The following PEX2 variants were observed in gnomAD, a reference collection of about 807,000 sequenced individuals.
PEX2 encodes the protein peroxisomal biogenesis factor 2.
A neutral mutation model predicts 25.2 loss-of-function variants in PEX2; 19 were observed. The ratio of observed to expected loss-of-function variants is 0.75; its 90% CI spans 0.53 to 1.10. PEX2 has a LOEUF of 1.10. Ranked by LOEUF, PEX2 falls within the 50% of genes least tolerant of loss-of-function variation. The pLI, the probability that PEX2 is intolerant of heterozygous loss-of-function variation, is 0.00. For missense variants in PEX2, 347 were observed against 350.6 expected, an observed-to-expected ratio of 0.99 and a Z score of 0.08; for synonymous variants, 141 against 127.7, an observed-to-expected ratio of 1.10 and a Z score of -0.70.
Position 76,995,287 on chromosome 8 carries a change from T to C in PEX2, c.-160+4703A>G, listed in dbSNP as rs184555014. 1.5e-3 allele frequency among the ~76,000 whole-genome samples: 224 copies of C among 152,366 alleles called. 2 individuals carry two copies. The highest frequency in any genetic ancestry group is 2.4e-3 in the Non-Finnish European group (163 of 68,036). On this transcript the variant is annotated intron_variant, in intron 1 of 3. Coordinates refer to ENST00000357039, the MANE Select transcript of PEX2 (RefSeq NM_000318.3). ...CAAGATATGTGAAATTTTAAAACTGTGTTATGTCCAACAGACCTCTAAATT... is the reference window on the plus strand; with the variant it reads ...CAAGATATGTGAAATTTTAAAACTGCGTTATGTCCAACAGACCTCTAAATT...
intron 1 of PEX2, among the ~76,000 whole-genome samples, chr8:76,992,042 T>G (rs979271966): frequency 6.6e-6 from 1 of 152,136 alleles, no homozygotes; most frequent in African/African-American, 2.4e-5. Context: ...TTGACATCAT[T>G]AAGACATAAA....
rs2132043367 is a variant in PEX2 at position 76,983,493 on chromosome 8, C to T, written c.686G>A (p.Gly229Asp). 2 of 1,614,036 alleles carry T rather than the reference C, an allele frequency of 1.2e-6. No homozygotes were observed. The highest frequency in any genetic ancestry group is 1.7e-6 in the Non-Finnish European group (2 of 1,179,970). The change falls in exon 4 of 4, where the codon GGT becomes GAT. Residue 229 changes from glycine to aspartate, a missense_variant. Physicochemically the swap from Gly to Asp is moderately conservative, Grantham distance 94. Coordinates refer to ENST00000357039, the MANE Select transcript of PEX2 (RefSeq NM_000318.3). ...KLSSWCIPLT[G>D]APNSDNTLAT... ...TAATGTATTGTCACTATTAGGTGCA[C>T]CAGTAAGAGGAATACACCATGAAGA...
chr8:76,999,114 C>CCCA (rs1807421210), intron 1 of PEX2, among the ~76,000 whole-genome samples: 1 of 151,908 alleles, frequency 6.6e-6, no homozygotes, highest in African/African-American at 2.4e-5. Context: ...AAAGAGCCAC[C>CCCA]CCAAGTTCAT....
intron 3 of PEX2, 101 bp from the exon 4 acceptor site, chr8:76,984,296 C>G (rs1177743283): frequency 1.1e-6 from 1 of 905,826 alleles, no homozygotes; most frequent in African/African-American, 1.6e-5. Context: ...TTACACAGGA[C>G]ACATAGGCGA....
intron 2 of PEX2, among the ~76,000 whole-genome samples, chr8:76,987,636 C>T (rs1437538741): frequency 2.0e-5 from 3 of 151,942 alleles, no homozygotes; most frequent in Non-Finnish European, 4.4e-5. Context: ...AGCATAGAGA[C>T]GAGTTAACAG....
intron 1 of PEX2, among the ~76,000 whole-genome samples, chr8:76,993,971 C>A (rs1474384426): frequency 6.6e-6 from 1 of 152,094 alleles, no homozygotes; most frequent in South Asian, 2.1e-4. Flanking sequence ...ATGCTTAAGG[C>A]AAAATCAAGA....
rs540392915 is a variant in PEX2 at position 76,982,134 on chromosome 8, C to T, written c.*1127G>A. On this transcript the variant is annotated 3_prime_UTR_variant, in exon 4 of 4. Transcript: ENST00000357039. The stretch of plus-strand genomic sequence containing the variant: ...TTTTTAAAAAACATTCTAGTTAAGA[C>T]GAGATAATTCAATGTTCAAGCTAAT... 3 of 152,098 alleles carry T rather than the reference C, an allele frequency of 2.0e-5. No homozygotes were observed. The highest frequency in any genetic ancestry group is 1.9e-4 in the East Asian group (1 of 5,168). The allele number at this position is 152,098 out of a possible 1,614,324, so 9.4% of individuals were successfully genotyped here.
intron 1 of PEX2, among the ~76,000 whole-genome samples, chr8:76,997,583 A>G (rs1563613320): frequency 6.6e-6 from 1 of 152,152 alleles, no homozygotes; most frequent in South Asian, 2.1e-4. Flanking sequence ...AAATGAAAAG[A>G]CAGTGGTTAG....
intron 1 of PEX2, among the ~76,000 whole-genome samples, chr8:76,988,786 TATCA>T (rs1807078175): frequency 6.6e-6 from 1 of 152,176 alleles, no homozygotes; most frequent in African/African-American, 2.4e-5. Context: ...GCCATTGCTT[TATCA>T]ATTAAGTTTA....
chr8:76,987,924 A>T (rs1039590703), intron 2 of PEX2: 6 of 152,254 alleles, frequency 3.9e-5, no homozygotes, highest in African/African-American at 1.4e-4. Context: ...CTAAGTGGAA[A>T]AGTTCAGTAG....
At chr8:76,994,059 A>T (rs1807251196) in intron 1 of PEX2, among the ~76,000 whole-genome samples, 1 of 152,138 alleles carries the variant, frequency 6.6e-6, no homozygotes, top group Non-Finnish European at 1.5e-5. Context: ...AAAATGATCT[A>T]GTACTAAAAA....
intron 1 of PEX2, chr8:76,999,658 G>A (rs748523628): frequency 3.3e-5 from 12 of 364,460 alleles, no homozygotes; most frequent in South Asian, 6.4e-5. Flanking sequence ...TTTATAAGAG[G>A]TAAATATCTT....
intron 1 of PEX2, among the ~76,000 whole-genome samples, chr8:76,990,807 A>G (rs968196928): frequency 2.6e-5 from 4 of 152,216 alleles, no homozygotes; most frequent in Admixed American, 1.3e-4. Context: ...TAAGAATATC[A>G]TAATAAAAAA....
At chr8:76,994,064 T>C (rs1807251488) in intron 1 of PEX2, among the ~76,000 whole-genome samples, 1 of 152,204 alleles carries the variant, frequency 6.6e-6, no homozygotes, top group Admixed American at 6.5e-5. Flanking sequence ...GATCTAGTAC[T>C]AAAAACTATT....
intron 1 of PEX2, among the ~76,000 whole-genome samples, chr8:76,999,240 T>C (rs1807424305): frequency 6.6e-6 from 1 of 152,186 alleles, no homozygotes; most frequent in African/African-American, 2.4e-5. Flanking sequence ...ATAAAATATT[T>C]CCGAGGGGCA....
At chr8:76,984,317 A>G in intron 3 of PEX2, 122 bp from the exon 4 acceptor site, 1 of 732,268 alleles carries the variant, frequency 1.4e-6, no homozygotes, top group Non-Finnish European at 2.3e-6. Flanking sequence ...TGAGCGTTTC[A>G]GTAGTCTCAA....
intron 2 of PEX2, 158 bp downstream of exon 2, chr8:76,988,149 C>T (rs1265670223): frequency 2.6e-5 from 4 of 152,232 alleles, no homozygotes; most frequent in African/African-American, 9.6e-5. Context: ...TAACTGCTAA[C>T]AGATATATGT....
At chr8:76,998,956 T>C (rs1001623860) in intron 1 of PEX2, among the ~76,000 whole-genome samples, 1 of 131,098 alleles carries the variant, frequency 7.6e-6, no homozygotes, top group East Asian at 2.6e-4. Context: ...CTGTTACTTC[T>C]ATTTTTTTTT....
Position 76,983,092 on chromosome 8 carries a change from A to G in PEX2, c.*169T>C. On this transcript the variant is annotated 3_prime_UTR_variant, in exon 4 of 4. Transcript: ENST00000357039. The stretch of plus-strand genomic sequence containing the variant: ...ACATTAACATTTACATAATATATTT[A>G]GAATCACATGGTTTCCAGTGATTAG... The G allele has an allele frequency of 6.9e-7, 1 of 1,439,866 alleles. No homozygotes were observed. The highest frequency in any genetic ancestry group is 9.2e-7 in the Non-Finnish European group (1 of 1,091,658). 89.2% of individuals were successfully genotyped at this position (1,439,866 alleles called of 1,614,324 possible).
Sources: gnomAD v4.1 joint callset for allele counts (sites outside exome capture counted in the v4.1 genomes callset) on GRCh38, gnomAD v4.1.1 for gene constraint, MANE v1.5 for transcripts, NCBI Gene and HGNC (gene_info 2026-07-23, HGNC 2026-07-21) for gene names.